TENM1: variants seen among roughly 807,000 people sequenced by gnomAD.
TENM1 encodes the protein teneurin-1.
A neutral mutation model predicts 174.8 loss-of-function variants in TENM1; 35 were observed. The ratio of observed to expected loss-of-function variants is 0.20; its 90% CI spans 0.15 to 0.27. The LOEUF is 0.27. TENM1 is among the 10% of genes least tolerant of loss of function. TENM1 has a pLI of 1.00. For missense variants in TENM1, 1,633 were observed against 2,130.1 expected, an observed-to-expected ratio of 0.77 and a Z score of 4.59; for synonymous variants, 781 against 798.7, an observed-to-expected ratio of 0.98 and a Z score of 0.37.
chrX:125,164,438 G>C, the TENM1 span, among the ~76,000 whole-genome samples: 1 of 111,691 alleles, frequency 9.0e-6, no homozygotes, highest in African/African-American at 3.3e-5. Context: ...CCAGATTGTA[G>C]ATCTTCCTCA....
At chrX:125,155,648 G>C in the TENM1 span, among the ~76,000 whole-genome samples, 1 of 96,099 alleles carries the variant, frequency 1.0e-5, no homozygotes, top group African/African-American at 3.9e-5. Flanking sequence ...GGCCTGGCGA[G>C]AAATCGAGCG....
At chrX:124,384,180 A>T (rs1408158087) in exon 30 of TENM1, 1 of 1,211,134 alleles carries the variant, frequency 8.3e-7, no homozygotes, top group Non-Finnish European at 1.1e-6. Flanking sequence ...TGCACAGTCC[A>T]GCCAGAAGCC....
chrX:124,490,558 G>A (rs1347527454), intron 20 of TENM1, among the ~76,000 whole-genome samples: 1 of 112,011 alleles, frequency 8.9e-6, no homozygotes, highest in Non-Finnish European at 1.9e-5. Context: ...ATATTAAGCA[G>A]TTGCTGGAAA....
the TENM1 span, among the ~76,000 whole-genome samples, chrX:124,981,828 G>A: frequency 1.8e-5 from 2 of 111,027 alleles, no homozygotes; most frequent in African/African-American, 6.5e-5. Context: ...TATAATTTCA[G>A]AGAATGAAAA....
At chrX:124,512,139 A>G (rs950584148) in intron 18 of TENM1, among the ~76,000 whole-genome samples, 9 of 111,773 alleles carry the variant, frequency 8.1e-5, no homozygotes, top group African/African-American at 2.9e-4. Context: ...TTGATAATGT[A>G]TGCAGACACA....
At chrX:125,029,332 A>G in the TENM1 span, among the ~76,000 whole-genome samples, 1 of 112,184 alleles carries the variant, frequency 8.9e-6, no homozygotes, top group Non-Finnish European at 1.9e-5. Context: ...AAATTTCCCT[A>G]TCTTGGAACC....
At chrX:125,188,407 T>C in the TENM1 span, among the ~76,000 whole-genome samples, 2 of 110,279 alleles carry the variant, frequency 1.8e-5, no homozygotes, top group South Asian at 7.5e-4. Context: ...GAAAAGGCAG[T>C]GTGTAAATTA....
chrX:125,146,336 C>T, the TENM1 span, among the ~76,000 whole-genome samples: 1 of 111,202 alleles, frequency 9.0e-6, no homozygotes, highest in Non-Finnish European at 1.9e-5. Context: ...TGAGGGTCAA[C>T]GTTAAGAGCC....
intron 23 of TENM1, among the ~76,000 whole-genome samples, chrX:124,423,826 T>C (rs975132059): frequency 1.8e-5 from 2 of 111,729 alleles, no homozygotes; most frequent in Admixed American, 9.5e-5. Flanking sequence ...ATGGACTAAA[T>C]TGTGTCCTCC....
intron 19 of TENM1, among the ~76,000 whole-genome samples, chrX:124,499,565 T>C (rs1452141682): frequency 8.9e-6 from 1 of 112,224 alleles, no homozygotes; most frequent in African/African-American, 3.2e-5. Context: ...CTTATTATTT[T>C]ATTAATAACT....
At chrX:125,001,288 G>A in the TENM1 span, among the ~76,000 whole-genome samples, 9 of 110,971 alleles carry the variant, frequency 8.1e-5, no homozygotes, top group South Asian at 7.5e-4. Flanking sequence ...GTCTGGCAGC[G>A]CCCTTTCTAT....
chrX:124,846,824 T>C (rs2056617764), intron 3 of TENM1, among the ~76,000 whole-genome samples: 1 of 111,600 alleles, frequency 9.0e-6, no homozygotes. Flanking sequence ...ATGAGTTTTA[T>C]AAATAAAGCT....
At chrX:124,765,959 A>T (rs763182371) in intron 3 of TENM1, among the ~76,000 whole-genome samples, 1 of 112,184 alleles carries the variant, frequency 8.9e-6, no homozygotes, top group South Asian at 3.7e-4. Flanking sequence ...AATTTGAAGG[A>T]TTAAAAGGTT....
At chrX:124,590,133 T>C (rs935940332) in intron 11 of TENM1, among the ~76,000 whole-genome samples, 2 of 111,835 alleles carry the variant, frequency 1.8e-5, no homozygotes, top group Non-Finnish European at 3.8e-5. Flanking sequence ...ATTTCAAAAA[T>C]TTTTTTTAAA....
intron 4 of TENM1, among the ~76,000 whole-genome samples, chrX:124,722,169 T>C (rs1477204964): frequency 2.7e-5 from 3 of 112,351 alleles, no homozygotes. Context: ...TTGTGACTAT[T>C]TTATGCCAGA....
intron 3 of TENM1, among the ~76,000 whole-genome samples, chrX:124,800,496 T>G (rs1247284090): frequency 3.6e-5 from 4 of 111,439 alleles, no homozygotes; most frequent in Admixed American, 9.5e-5. Context: ...CTTTTCTTCT[T>G]TATTAGTCTA....
intron 3 of TENM1, among the ~76,000 whole-genome samples, chrX:124,785,888 C>T (rs1259159446): frequency 8.9e-6 from 1 of 111,746 alleles, no homozygotes; most frequent in East Asian, 2.8e-4. Flanking sequence ...ATAGTGTTTA[C>T]TCTAATTTTG....
At chrX:124,692,317 A>T (rs1037944531) in intron 5 of TENM1, among the ~76,000 whole-genome samples, 1 of 111,365 alleles carries the variant, frequency 9.0e-6, no homozygotes, top group African/African-American at 3.3e-5. Flanking sequence ...GAGGATCGAA[A>T]AACTACCTAT....
chrX:124,550,389 G>T (rs776700917), intron 14 of TENM1, among the ~76,000 whole-genome samples: 6 of 112,057 alleles, frequency 5.4e-5, no homozygotes, highest in Non-Finnish European at 9.4e-5. Context: ...TTCATGGTAG[G>T]TTATACAAAA....
Sources: gnomAD v4.1 joint callset for allele counts (sites outside exome capture counted in the v4.1 genomes callset) on GRCh38, gnomAD v4.1.1 for gene constraint, MANE v1.5 for transcripts, NCBI Gene and HGNC (gene_info 2026-07-23, HGNC 2026-07-21) for gene names.